The following ZDHHC14 variants were observed in gnomAD, a reference collection of about 807,000 sequenced individuals.
ZDHHC14 encodes zDHHC palmitoyltransferase 14.
A neutral mutation model predicts 47.7 loss-of-function variants in ZDHHC14; 16 were observed. The ratio of observed to expected loss-of-function variants is 0.34; its 90% CI spans 0.23 to 0.51. The LOEUF is 0.51. ZDHHC14 is among the 20% of genes least tolerant of loss of function. The pLI is 0.97. For missense variants in ZDHHC14, 515 were observed against 662.5 expected, an observed-to-expected ratio of 0.78 and a Z score of 2.44; for synonymous variants, 293 against 278.9, an observed-to-expected ratio of 1.05 and a Z score of -0.50.
intron 1 of ZDHHC14, among the ~76,000 whole-genome samples, chr6:157,429,296 T>C (rs1778288077): frequency 6.6e-6 from 1 of 152,164 alleles, no homozygotes; most frequent in South Asian, 2.1e-4. Flanking sequence ...CAGAGTAGAA[T>C]GGAAAATAGA....
intron 1 of ZDHHC14, among the ~76,000 whole-genome samples, chr6:157,533,846 A>G (rs1301337064): frequency 6.6e-6 from 1 of 152,262 alleles, no homozygotes; most frequent in Non-Finnish European, 1.5e-5. Context: ...TACTGTGGCC[A>G]ATTTAGTTCA....
intron 1 of ZDHHC14, among the ~76,000 whole-genome samples, chr6:157,497,235 C>A (rs1050415740): frequency 6.6e-6 from 1 of 152,138 alleles, no homozygotes; most frequent in Non-Finnish European, 1.5e-5. Flanking sequence ...ATTTTAAGAA[C>A]AATTGTGGGT....
chr6:157,517,169 A>AC (rs769239197), intron 1 of ZDHHC14, among the ~76,000 whole-genome samples: 14 of 151,466 alleles, frequency 9.2e-5, no homozygotes, highest in African/African-American at 2.2e-4. Context: ...ACCTTCACTG[A>AC]CTCCCCCTCC....
At chr6:157,602,610 G>A (rs1784379811) in intron 3 of ZDHHC14, among the ~76,000 whole-genome samples, 2 of 152,224 alleles carry the variant, frequency 1.3e-5, no homozygotes, top group East Asian at 1.9e-4. Flanking sequence ...GAGTTACAGT[G>A]TATAGACTAC....
At chr6:157,584,469 A>G (rs1225229620) in intron 2 of ZDHHC14, among the ~76,000 whole-genome samples, 1 of 152,264 alleles carries the variant, frequency 6.6e-6, no homozygotes, top group Non-Finnish European at 1.5e-5. Context: ...AGCAGAGTCC[A>G]GTTACTTTAT....
At chr6:157,549,326 C>T (rs909464338) in intron 2 of ZDHHC14, among the ~76,000 whole-genome samples, 2 of 152,306 alleles carry the variant, frequency 1.3e-5, no homozygotes, top group Non-Finnish European at 2.9e-5. Context: ...GGAAGAACTT[C>T]GGGGAATTTC....
Position 157,417,755 on chromosome 6 carries a change from C to T in ZDHHC14, c.245+35489C>T, listed in dbSNP as rs567169029. On this transcript the variant is annotated intron_variant, in intron 1 of 8. Transcript: ENST00000359775. ...CAGCACTTTGGGAGGCCGAGGCGGG[C>T]GGATCACGCTAATGTGGTGAAACCC... Among the ~76,000 whole-genome samples, 9 of 152,186 alleles carry T rather than the reference C, an allele frequency of 5.9e-5. No homozygotes were observed. In the South Asian group the frequency reaches 8.3e-4, roughly 14 times the overall value.
At chr6:157,418,453 A>G (rs1254372542) in intron 1 of ZDHHC14, among the ~76,000 whole-genome samples, 2 of 152,216 alleles carry the variant, frequency 1.3e-5, no homozygotes, top group Non-Finnish European at 2.9e-5. Flanking sequence ...TTTGCTTTCT[A>G]GAGGATGTAT....
chr6:157,593,191 G>A (rs377637089), intron 3 of ZDHHC14, 45 bp downstream of exon 3: 192 of 1,576,346 alleles, frequency 1.2e-4, no homozygotes, highest in Non-Finnish European at 1.5e-4. Flanking sequence ...CGGGTCCTCC[G>A]GGTGGGTTTG....
At chr6:157,500,956 A>G (rs745379264) in intron 1 of ZDHHC14, among the ~76,000 whole-genome samples, 41 of 152,210 alleles carry the variant, frequency 2.7e-4, no homozygotes, top group Non-Finnish European at 4.6e-4. Flanking sequence ...TTCCAGGAAG[A>G]CAAGACCCAT....
At chr6:157,445,401 A>G (rs963096076) in intron 1 of ZDHHC14, among the ~76,000 whole-genome samples, 2 of 152,170 alleles carry the variant, frequency 1.3e-5, no homozygotes, top group South Asian at 2.1e-4. Context: ...AACCTGGTTC[A>G]TTTGTCTTGC....
intron 3 of ZDHHC14, among the ~76,000 whole-genome samples, chr6:157,600,500 G>T (rs1321494362): frequency 1.3e-5 from 2 of 152,190 alleles, no homozygotes; most frequent in Non-Finnish European, 2.9e-5. Flanking sequence ...CCGCCTCCCA[G>T]ATTCAAGTGA....
chr6:157,621,976 A>G (rs1418182404), intron 3 of ZDHHC14, among the ~76,000 whole-genome samples: 1 of 152,168 alleles, frequency 6.6e-6, no homozygotes, highest in Non-Finnish European at 1.5e-5. Context: ...CTCCGCTGTC[A>G]GATATGGATT....
intron 3 of ZDHHC14, among the ~76,000 whole-genome samples, chr6:157,611,431 G>A (rs78779527): frequency 0.22 from 33,817 of 151,878 alleles, 4,075 homozygotes; most frequent in East Asian, 0.51. Flanking sequence ...TGACAAAAGA[G>A]TGAGATTACA....
At chr6:157,639,055 T>C (rs575767558) in intron 5 of ZDHHC14, among the ~76,000 whole-genome samples, 1 of 152,356 alleles carries the variant, frequency 6.6e-6, no homozygotes, top group South Asian at 2.1e-4. Context: ...TGGCTGAGCA[T>C]CAAAAGGAGG....
intron 8 of ZDHHC14, among the ~76,000 whole-genome samples, chr6:157,664,168 C>T (rs183835243): frequency 9.0e-4 from 137 of 152,320 alleles, no homozygotes; most frequent in African/African-American, 3.1e-3. Flanking sequence ...CAATATCTCT[C>T]TCTCAGCTCT....
chr6:157,473,887 A>G (rs1054196996), intron 1 of ZDHHC14, among the ~76,000 whole-genome samples: 20 of 151,938 alleles, frequency 1.3e-4, no homozygotes, highest in Admixed American at 6.6e-4. Flanking sequence ...CTCATTATCT[A>G]TATGCAAATA....
intron 1 of ZDHHC14, among the ~76,000 whole-genome samples, chr6:157,522,668 AT>A: frequency 6.6e-6 from 1 of 151,504 alleles, no homozygotes; most frequent in South Asian, 2.1e-4. Context: ...ATTTTTTATT[AT>A]TTCAAAAGCC....
intron 1 of ZDHHC14, among the ~76,000 whole-genome samples, chr6:157,442,367 A>G (rs1778577236): frequency 6.6e-6 from 1 of 152,078 alleles, no homozygotes; most frequent in South Asian, 2.1e-4. Flanking sequence ...TGGACGATAG[A>G]GCGAGACTCT....
Sources: allele counts gnomAD v4.1 joint callset (sites outside exome capture counted in the v4.1 genomes callset), GRCh38; gene constraint gnomAD v4.1.1; transcripts MANE v1.5; gene names NCBI Gene and HGNC (gene_info 2026-07-23, HGNC 2026-07-21).